Variants in DRP2 observed in about 807,000 individuals in gnomAD.
The protein encoded by DRP2 is dystrophin related protein 2, also known as dystrophin-related protein 2.
In DRP2, 29 loss-of-function variants were observed where a neutral mutation model predicts 78.2. That is an observed-to-expected ratio of 0.37 (90% CI 0.28 to 0.51). The LOEUF (loss-of-function observed/expected upper bound fraction) is 0.51, where lower values mean the gene tolerates loss of function less well. Ranked by LOEUF, DRP2 falls within the 20% of genes least tolerant of loss-of-function variation. The probability of loss-of-function intolerance (pLI) is 0.94; values close to 1 mark genes in which losing one functional copy is unlikely to be tolerated. For missense variants in DRP2, 686 were observed against 770.6 expected, an observed-to-expected ratio of 0.89 and a Z score of 1.30; for synonymous variants, 290 against 281.9, an observed-to-expected ratio of 1.03 and a Z score of -0.29.
intron 2 of DRP2, among the ~76,000 whole-genome samples, chrX:101,228,525 G>C (rs140829243): frequency 8.9e-6 from 1 of 111,824 alleles, no homozygotes; most frequent in African/African-American, 3.3e-5. Flanking sequence ...CTGCTAATAG[G>C]TTGAATAGTG....
In DRP2 at chrX:101,231,791, C is replaced by A. The variant is rs745606851; in HGVS notation, c.117+27C>A. The A allele has an allele frequency of 1.0e-4, 121 of 1,156,161 alleles. 1 individual carries two copies. The Middle Eastern group carries it at 0.011, about 103-fold the overall frequency. ...TAAGAGTCTGATAGTGAAAGAAAGA[C>A]CTGTGGAGAAAGTGGACACAGGATC... On this transcript the variant is annotated intron_variant, in intron 3 of 23. Transcript: ENST00000395209.
At chrX:101,225,889 A>T (rs887119880) in intron 2 of DRP2, among the ~76,000 whole-genome samples, 1 of 112,003 alleles carries the variant, frequency 8.9e-6, no homozygotes, top group African/African-American at 3.2e-5. Flanking sequence ...ATAATTTAAT[A>T]TACTTTACAT....
chrX:101,229,943 C>T (rs1280927968), intron 2 of DRP2, among the ~76,000 whole-genome samples: 3 of 112,164 alleles, frequency 2.7e-5, no homozygotes, highest in Non-Finnish European at 5.6e-5. Context: ...TGCAACACTG[C>T]CCCTATTCCC....
At chrX:101,228,195 TTC>T (rs919096979) in intron 2 of DRP2, among the ~76,000 whole-genome samples, 3 of 111,970 alleles carry the variant, frequency 2.7e-5, no homozygotes, top group African/African-American at 9.7e-5. Context: ...GATCCAGGAA[TTC>T]TCCCTTATAG....
intron 23 of DRP2, 51 bp from the exon 24 acceptor site, chrX:101,260,446 C>A: frequency 8.5e-7 from 1 of 1,179,889 alleles, no homozygotes; most frequent in Non-Finnish European, 1.1e-6. Context: ...ACCCCTTGGC[C>A]TCATAAAGGA....
chrX:101,231,764 G>A lies in DRP2; in HGVS notation c.117G>A (p.Gln39=). The A allele has an allele frequency of 8.3e-7, 1 of 1,199,668 alleles. No homozygotes were observed. Among genetic ancestry groups the A allele is most frequent in the Non-Finnish European group, 1.1e-6 (1 of 886,397 alleles). The change falls in exon 3 of 24, where the codon CAG becomes CAA. Residue 39 remains glutamine, a splice_region_variant and synonymous_variant. Transcript: ENST00000395209. ...TCCGAAGCACCTGCCCCCACCCTCA[G>A]GTAAGAGTCTGATAGTGAAAGAAAG... ...SSLRSTCPHP[Q]VRAAVTSPAP...
At chrX:101,240,533 C>A (rs17257634) in intron 6 of DRP2, among the ~76,000 whole-genome samples, 2,846 of 112,347 alleles carry the variant, frequency 0.025, 39 homozygotes, top group Middle Eastern at 0.046. Context: ...CTGCCCCCAG[C>A]CGACTGTGAC....
chrX:101,257,430 A>T (rs1197170247), intron 21 of DRP2, among the ~76,000 whole-genome samples: 2 of 37,667 alleles, frequency 5.3e-5, no homozygotes, highest in African/African-American at 3.4e-4. Flanking sequence ...AAGGCAAGAT[A>T]AAAAAAAAAA....
intron 20 of DRP2, 149 bp from the exon 21 acceptor site, chrX:101,255,969 C>A (rs966142295): frequency 1.4e-6 from 1 of 696,686 alleles, no homozygotes; most frequent in Non-Finnish European, 1.9e-6. Flanking sequence ...ACTTTCATCC[C>A]TCTCAAGCCT....
intron 2 of DRP2, among the ~76,000 whole-genome samples, chrX:101,229,986 C>T (rs1922247024): frequency 8.9e-6 from 1 of 112,184 alleles, no homozygotes; most frequent in South Asian, 3.7e-4. Context: ...TCCTGTCTTC[C>T]TTCTCTTGCT....
chrX:101,241,403 A>C (rs1922718566), intron 6 of DRP2, among the ~76,000 whole-genome samples: 1 of 111,987 alleles, frequency 8.9e-6, no homozygotes, highest in African/African-American at 3.3e-5. Flanking sequence ...TAAAGGGTAC[A>C]TGAAATCTCT....
intron 21 of DRP2, among the ~76,000 whole-genome samples, chrX:101,256,941 G>T (rs1452872900): frequency 2.8e-5 from 3 of 108,033 alleles, no homozygotes; most frequent in East Asian, 2.9e-4. Context: ...ACAGGAGAGG[G>T]TATGACATGT....
At chrX:101,229,714 C>T (rs1484049807) in intron 2 of DRP2, among the ~76,000 whole-genome samples, 2 of 110,901 alleles carry the variant, frequency 1.8e-5, no homozygotes, top group African/African-American at 6.6e-5. Flanking sequence ...TGCTCAGTTC[C>T]GGCCCTTTGA....
intron 11 of DRP2, among the ~76,000 whole-genome samples, chrX:101,246,418 A>G (rs1922936089): frequency 1.8e-5 from 2 of 112,404 alleles, no homozygotes; most frequent in Non-Finnish European, 3.8e-5. Context: ...ATTCTTTTTT[A>G]CCACTATAGA....
rs140490162 is a variant in DRP2 at position 101,250,163 on chromosome X, T to A, written c.1541-260T>A. ...CTCTCTCTCTTGCTTTCACTCTCTC[T>A]CACTCTTTCTCTCTCTGTCTCCCCC... On this transcript the variant is annotated intron_variant, in intron 14 of 23. Transcript: ENST00000395209. Among the ~76,000 whole-genome samples the A allele has an allele frequency of 9.3e-3, 1,028 of 110,857 alleles. 7 individuals carry two copies. The highest frequency in any genetic ancestry group is 0.03 in the African/African-American group (911 of 30,479).
At chrX:101,240,847 G>A (rs1922695581) in intron 6 of DRP2, among the ~76,000 whole-genome samples, 1 of 112,258 alleles carries the variant, frequency 8.9e-6, no homozygotes, top group South Asian at 3.7e-4. Context: ...GCTCTAGAAA[G>A]AGCAGCACAA....
chrX:101,251,811 C>T (rs1923151278), intron 16 of DRP2: 1 of 112,200 alleles, frequency 8.9e-6, no homozygotes, highest in African/African-American at 3.2e-5. Flanking sequence ...TAAAACATTA[C>T]TGCAATACAT....
rs1305528993 is a variant in DRP2 at position 101,237,635 on chromosome X, T to C, written c.298T>C (p.Phe100Leu). The change falls in exon 5 of 24, where the codon TTC (phenylalanine) becomes CTC (leucine). Residue 100 changes from phenylalanine (F) to leucine (L), a missense_variant. Transcript: ENST00000395209. Reference protein sequence around the residue: ...SHNLRARLEAFSDHSGKLQLP... With the variant: ...SHNLRARLEALSDHSGKLQLP... ...TGTGTGCAGCGCTCGCCTAGAGGCC[T>C]TCTCAGACCACAGTGGAAAGCTTCA... The C allele has an allele frequency of 2.6e-6, 3 of 1,132,434 alleles. No homozygotes were observed. Among genetic ancestry groups the C allele is most frequent in the Non-Finnish European group, 3.5e-6 (3 of 846,161 alleles). The allele number at this position is 1,132,434 out of a possible 1,213,427, so 93.3% of individuals were successfully genotyped here.
chrX:101,259,399 T>A (rs772794429), intron 22 of DRP2, among the ~76,000 whole-genome samples: 1 of 111,848 alleles, frequency 8.9e-6, no homozygotes, highest in East Asian at 2.8e-4. Context: ...TGTGAAACTC[T>A]ACATTTCCAG....
Sources: gnomAD v4.1 joint callset for allele counts (sites outside exome capture counted in the v4.1 genomes callset) on GRCh38, gnomAD v4.1.1 for gene constraint, MANE v1.5 for transcripts, NCBI Gene and HGNC (gene_info 2026-07-23, HGNC 2026-07-21) for gene names.